The following CPXM2 variants were observed in gnomAD, a reference collection of about 807,000 sequenced individuals.
CPXM2 encodes the protein carboxypeptidase X, M14 family member 2.
A neutral mutation model predicts 86.1 loss-of-function variants in CPXM2; 66 were observed. The ratio of observed to expected loss-of-function variants is 0.77; its 90% CI spans 0.63 to 0.94. CPXM2 has a LOEUF of 0.94. Among genes scored for constraint, CPXM2 ranks in the 40% least tolerant of loss-of-function variants. The pLI is 0.00. For missense variants in CPXM2, 948 were observed against 1,026.3 expected, an observed-to-expected ratio of 0.92 and a Z score of 1.04; for synonymous variants, 388 against 400.2, an observed-to-expected ratio of 0.97 and a Z score of 0.36.
chr10:123,843,890 G>A (rs920407172), intron 3 of CPXM2, among the ~76,000 whole-genome samples: 4 of 152,170 alleles, frequency 2.6e-5, no homozygotes, highest in Admixed American at 6.5e-5. Context: ...AAACTGGAAG[G>A]AACTGTCCAT....
chr10:123,879,455 T>G (rs1260209842), intron 2 of CPXM2, among the ~76,000 whole-genome samples: 1 of 152,200 alleles, frequency 6.6e-6, no homozygotes, highest in African/African-American at 2.4e-5. Context: ...CTCATTTTCC[T>G]CATCTGTAAA....
At chr10:123,747,140 G>A (rs982915709) in intron 13 of CPXM2, 123 bp from the exon 14 acceptor site, 39 of 1,183,130 alleles carry the variant, frequency 3.3e-5, no homozygotes, top group African/African-American at 9.2e-5. Context: ...CGTGGAATCC[G>A]AGCTCCTGCA....
chr10:123,887,802 T>C (rs1261063252), intron 1 of CPXM2, among the ~76,000 whole-genome samples: 1 of 152,196 alleles, frequency 6.6e-6, no homozygotes, highest in Non-Finnish European at 1.5e-5. Context: ...TCTAAGAGGT[T>C]ATCACTGGGG....
At chr10:123,860,548 G>A (rs964068943) in intron 3 of CPXM2, among the ~76,000 whole-genome samples, 6 of 152,196 alleles carry the variant, frequency 3.9e-5, no homozygotes, top group East Asian at 1.9e-4. Flanking sequence ...ATTTTTGACC[G>A]AAAGCACAAA....
At chr10:123,812,212 GA>G (rs945136016) in intron 4 of CPXM2, among the ~76,000 whole-genome samples, 3 of 152,058 alleles carry the variant, frequency 2.0e-5, no homozygotes, top group Non-Finnish European at 4.4e-5. Context: ...CTTCATCAAA[GA>G]ATAGATAAAT....
chr10:123,761,616 T>C (rs562436581), intron 11 of CPXM2, among the ~76,000 whole-genome samples: 1 of 152,306 alleles, frequency 6.6e-6, no homozygotes, highest in East Asian at 1.9e-4. Flanking sequence ...GCCCTGTGCC[T>C]TTCTTGCTGG....
chr10:123,911,998 G>A (rs779219679), intron 2 of CPXM2, among the ~76,000 whole-genome samples: 10 of 152,154 alleles, frequency 6.6e-5, no homozygotes, highest in Non-Finnish European at 1.3e-4. Flanking sequence ...AAGGAGGGGG[G>A]AAGGAGGGGC....
At chr10:123,767,690 A>G (rs1846511973) in intron 9 of CPXM2, among the ~76,000 whole-genome samples, 1 of 152,232 alleles carries the variant, frequency 6.6e-6, no homozygotes, top group African/African-American at 2.4e-5. Context: ...ATCACTGTCA[A>G]TACACAACAC....
chr10:123,746,778 G>A lies in CPXM2; in HGVS notation c.2257C>T (p.Arg753Ter), dbSNP rs755249876. 2.2e-5 allele frequency: 36 copies of A among 1,614,006 alleles called. No homozygotes were observed. Among genetic ancestry groups the A allele is most frequent in the Admixed American group, 1.5e-4 (9 of 60,000 alleles). Residue 753 changes from arginine to a stop codon, truncating the protein, a stop_gained, in exon 14 of 14, where the codon CGA becomes TGA. Transcript: ENST00000241305. LOFTEE classifies it high-confidence loss of function. ...GCCCAGGAGGGTCACCCACGCTGTC[G>A]TCTCTTCTGCCCCCGCAGCTTCAGC... ...RRLKLRGQKR[R>*]QRG
In CPXM2 at chr10:123,885,314, C is replaced by A. The variant is rs75206342; in HGVS notation, c.305-5005G>T. On this transcript the variant is annotated intron_variant, in intron 1 of 13. Transcript: ENST00000241305. The surrounding 1 kb of genome is among the most constrained non-coding windows in gnomAD (Gnocchi z 4.0). Reference sequence around the variant, plus strand: ...AGGCTGGAAGGCTGGGCATTGACCCCTCCAATCGTACACCTCCTCCAAAAG... The same window carrying A: ...AGGCTGGAAGGCTGGGCATTGACCCATCCAATCGTACACCTCCTCCAAAAG... 0.038 allele frequency among the ~76,000 whole-genome samples: 5,799 copies of A among 152,198 alleles called. 163 individuals are homozygous for A. The highest frequency in any genetic ancestry group is 0.12 in the East Asian group (608 of 5,170).
At position 123,754,909 on chromosome 10, in the gene CPXM2, G is replaced by A. The variant is rs1214074312; in HGVS notation, c.1918-147C>T. On this transcript the variant is annotated intron_variant, in intron 12 of 13. Transcript: ENST00000241305. This position sits in a 1 kb window ranked among gnomAD's most constrained non-coding sequence, Gnocchi z 4.0. Reference sequence around the variant, plus strand: ...CGTCTTGCTCAGAAGGCTTGGAACCGAAAAGCAGTTCATTGCTCACTGCAT... The same window carrying A: ...CGTCTTGCTCAGAAGGCTTGGAACCAAAAAGCAGTTCATTGCTCACTGCAT... 1.4e-5 allele frequency: 9 copies of A among 635,566 alleles called. No individual in the cohort carries two copies. Among genetic ancestry groups the A allele is most frequent in the South Asian group, 3.8e-5 (2 of 53,154 alleles). 39.4% of individuals were successfully genotyped at this position (635,566 alleles called of 1,614,324 possible).
chr10:123,755,856 T>C lies in CPXM2; in HGVS notation c.1918-1094A>G, dbSNP rs139832195. ...TGGCTATGGCATCATTACTTAAGAC[T>C]GATCAGGTTGTTACAGTCAAGTCTT... On this transcript the variant is annotated intron_variant, in intron 12 of 13. Coordinates refer to ENST00000241305, the MANE Select transcript of CPXM2 (RefSeq NM_198148.3). Among the ~76,000 whole-genome samples, 34 of 152,348 alleles carry C rather than the reference T, an allele frequency of 2.2e-4. No individual in the cohort carries two copies. In the East Asian group the frequency reaches 6.0e-3, roughly 27 times the overall value.
At chr10:123,912,157 T>C (rs976533745) in intron 2 of CPXM2, among the ~76,000 whole-genome samples, 1 of 152,014 alleles carries the variant, frequency 6.6e-6, no homozygotes, top group African/African-American at 2.4e-5. Flanking sequence ...CGGATCGGTT[T>C]CAGGTGTTTT....
intron 6 of CPXM2, among the ~76,000 whole-genome samples, chr10:123,792,457 T>A (rs61863790): frequency 0.017 from 2,636 of 152,178 alleles, 32 homozygotes; most frequent in South Asian, 0.029. Context: ...CTAGCCAGGA[T>A]GGAAGAAGGT....
chr10:123,867,388 G>T (rs1944808154), intron 2 of CPXM2, among the ~76,000 whole-genome samples: 1 of 152,118 alleles, frequency 6.6e-6, no homozygotes, highest in Non-Finnish European at 1.5e-5. Flanking sequence ...TTGCTTTAAA[G>T]ATCTAAATTA....
At chr10:123,932,993 T>C (rs78576149) in intron 2 of CPXM2, among the ~76,000 whole-genome samples, 11,300 of 152,258 alleles carry the variant, frequency 0.074, 737 homozygotes, top group East Asian at 0.37. Flanking sequence ...CCACTAGAGT[T>C]GGGCCCTGTA....
chr10:123,762,741 A>T (rs1173110141), intron 10 of CPXM2, among the ~76,000 whole-genome samples: 1 of 152,246 alleles, frequency 6.6e-6, no homozygotes, highest in Non-Finnish European at 1.5e-5. Flanking sequence ...AAACGATGTT[A>T]AAAGCTAAAA....
intron 3 of CPXM2, among the ~76,000 whole-genome samples, chr10:123,853,021 A>G (rs144406660): frequency 6.6e-6 from 1 of 152,282 alleles, no homozygotes; most frequent in African/African-American, 2.4e-5. Flanking sequence ...CCAGTGTTGG[A>G]GATGGGGCCT....
In CPXM2 at chr10:123,891,310, A is replaced by G. The variant is rs539697854; in HGVS notation, c.304+46T>C. The G allele has an allele frequency of 1.1e-5, 16 of 1,423,782 alleles. No individual in the cohort carries two copies. In the African/African-American group the frequency reaches 1.9e-4, roughly 17 times the overall value. The allele number at this position is 1,423,782 out of a possible 1,614,324, so 88.2% of individuals were successfully genotyped here. On this transcript the variant is annotated intron_variant, in intron 1 of 13. Transcript: ENST00000241305. This position sits in a 1 kb window ranked among gnomAD's most constrained non-coding sequence, Gnocchi z 5.6. ...AGCCAGTTGTCCCCTGGAGGCGCGCAACCACCGGCGCCCCCTCGGGCTGCC... is the reference window on the plus strand; with the variant it reads ...AGCCAGTTGTCCCCTGGAGGCGCGCGACCACCGGCGCCCCCTCGGGCTGCC...
Sources: allele counts gnomAD v4.1 joint callset (sites outside exome capture counted in the v4.1 genomes callset), GRCh38; gene constraint gnomAD v4.1.1; non-coding constraint Gnocchi (gnomAD v3.1); transcripts MANE v1.5; gene names NCBI Gene and HGNC (gene_info 2026-07-23, HGNC 2026-07-21).